ATG3: variants seen among roughly 807,000 people sequenced by gnomAD.
ATG3 encodes autophagy related 3.
Under a neutral mutation model 50.7 loss-of-function variants are expected in ATG3, and 25 were observed. That is an observed-to-expected ratio of 0.49 (90% CI 0.36 to 0.69). The LOEUF is 0.69. Ranked by LOEUF, ATG3 falls within the 30% of genes least tolerant of loss-of-function variation. The pLI, the probability that ATG3 is intolerant of heterozygous loss-of-function variation, is 0.00. For synonymous variants in ATG3, 119 were observed against 125.5 expected (o/e 0.95, Z 0.34); for missense variants, 281 against 376.0 (o/e 0.75, Z 2.09).
At chr3:112,536,688 G>A in intron 9 of ATG3, 86 bp from the exon 10 acceptor site, 4 of 1,415,694 alleles carry the variant, frequency 2.8e-6, no homozygotes, top group Non-Finnish European at 3.9e-6. Context: ...GTGGGAGACT[G>A]AGGTGGGCGG....
At chr3:112,534,370 T>C in intron 10 of ATG3, 33 bp from the exon 11 acceptor site, 13 of 1,483,114 alleles carry the variant, frequency 8.8e-6, no homozygotes, top group Non-Finnish European at 1.2e-5. Context: ...ATTGTTAATG[T>C]AGATCGATTA....
At chr3:112,534,369 G>GT in intron 10 of ATG3, 32 bp from the exon 11 acceptor site, 1 of 1,483,222 alleles carries the variant, frequency 6.7e-7, no homozygotes, top group Non-Finnish European at 9.1e-7. Flanking sequence ...AATTGTTAAT[G>GT]TAGATCGATT....
chr3:112,556,489 G>A (rs1489641055), intron 2 of ATG3, among the ~76,000 whole-genome samples: 9 of 152,202 alleles, frequency 5.9e-5, no homozygotes, highest in Non-Finnish European at 8.8e-5. Flanking sequence ...GAAGTGAGGA[G>A]CCCCTCTGCC....
chr3:112,544,142 TA>T, intron 5 of ATG3, 36 bp from the exon 6 acceptor site: 1 of 1,472,652 alleles, frequency 6.8e-7, no homozygotes, highest in Non-Finnish European at 9.5e-7. Context: ...TAACTAAAAT[TA>T]AACTGTAAAC....
At position 112,561,680 on chromosome 3, in the gene ATG3, G is replaced by A. The variant is rs904932443; in HGVS notation, c.-152C>T. 1.8e-5 allele frequency: 14 copies of A among 758,904 alleles called. No individual in the cohort carries two copies. In the Admixed American group the frequency reaches 2.6e-4, roughly 14 times the overall value. 47.0% of individuals were successfully genotyped at this position (758,904 alleles called of 1,614,324 possible). A position where few individuals can be genotyped will look rare whatever the true frequency, so the allele number is the denominator to read the frequency against. On this transcript the variant is annotated 5_prime_UTR_variant, in exon 1 of 12. Transcript: ENST00000283290. ...GGGACGGGACGCGACGCGACGGGAC[G>A]GGCGGGACGAGGGGGCGGGGCGGCA...
chr3:112,558,440 CAA>C (rs755721647), intron 1 of ATG3, 23 bp from the exon 2 acceptor site: 3 of 1,526,794 alleles, frequency 2.0e-6, no homozygotes, highest in Non-Finnish European at 9.1e-7. Flanking sequence ...GAAAGAAAAA[CAA>C]TATTATATCA....
chr3:112,554,842 C>T (rs1296501208), intron 2 of ATG3, among the ~76,000 whole-genome samples: 1 of 152,106 alleles, frequency 6.6e-6, no homozygotes, highest in Non-Finnish European at 1.5e-5. Flanking sequence ...GAAACATTAA[C>T]AAGATATAGC....
intron 10 of ATG3, chr3:112,535,785 C>A (rs1933027894): frequency 6.6e-6 from 1 of 152,132 alleles, no homozygotes; most frequent in Non-Finnish European, 1.5e-5. Flanking sequence ...AATATTGTTA[C>A]TAGTATGTTA....
chr3:112,561,198 T>C (rs1039967468), intron 1 of ATG3, among the ~76,000 whole-genome samples: 1 of 152,212 alleles, frequency 6.6e-6, no homozygotes, highest in Non-Finnish European at 1.5e-5. Flanking sequence ...CAACCCGACG[T>C]ACCCGACCGC....
At chr3:112,557,933 AC>A (rs1462515090) in intron 2 of ATG3, among the ~76,000 whole-genome samples, 3 of 152,234 alleles carry the variant, frequency 2.0e-5, no homozygotes, top group Admixed American at 2.0e-4. Flanking sequence ...CCCAGTATTT[AC>A]TTCTCCACCG....
At position 112,561,661 on chromosome 3, in the gene ATG3, GGACGC is replaced by G. The variant is rs373700157; in HGVS notation, c.-138_-134del. The G allele has an allele frequency of 1.1e-4, 101 of 893,296 alleles. No individual in the cohort carries two copies. Among genetic ancestry groups the G allele is most frequent in the Admixed American group, 8.6e-4 (33 of 38,216 alleles). The allele number at this position is 893,296 out of a possible 1,614,324, so 55.3% of individuals were successfully genotyped here. On this transcript the variant is annotated 5_prime_UTR_variant, in exon 1 of 12. Coordinates refer to ENST00000283290, the MANE Select transcript of ATG3 (RefSeq NM_022488.5). ...CCGGCTGGCAGCACCCGAGGGGACG[GGACGC>G]GACGCGACGGGACGGGCGGGACGAG... is the stretch of plus-strand genomic sequence containing the variant.
rs559464062 is a variant in ATG3, at chr3:112,561,889, G to A, written c.-361C>T. ...TGTCTGTCCTCGCTTTGCTTCACTCGCGCCCCTTCCGGCTTCCCTTCCTTC... is the reference window on the plus strand; with the variant it reads ...TGTCTGTCCTCGCTTTGCTTCACTCACGCCCCTTCCGGCTTCCCTTCCTTC... On this transcript the variant is annotated 5_prime_UTR_variant, in exon 1 of 12. Transcript: ENST00000283290. 6.2e-5 allele frequency: 16 copies of A among 259,678 alleles called. 1 individual carries two copies. Among genetic ancestry groups the A allele is most frequent in the Non-Finnish European group, 8.1e-5 (11 of 135,402 alleles). The allele number at this position is 259,678 out of a possible 1,614,324, so 16.1% of individuals were successfully genotyped here. A position where few individuals can be genotyped will look rare whatever the true frequency, so the allele number is the denominator to read the frequency against.
chr3:112,537,535 AGCATTATTGT>A, intron 9 of ATG3, 190 bp downstream of exon 9: 1 of 411,980 alleles, frequency 2.4e-6, no homozygotes, highest in South Asian at 8.3e-5. Context: ...TTTATGTCTT[AGCATTATTGT>A]TACACTGAAT....
intron 6 of ATG3, 68 bp from the exon 7 acceptor site, chr3:112,541,952 G>A: frequency 7.9e-7 from 1 of 1,261,680 alleles, no homozygotes; most frequent in Non-Finnish European, 1.1e-6. Flanking sequence ...ACACCCATGT[G>A]CTAGCACAGT....
chr3:112,550,852 T>C (rs924277728), intron 3 of ATG3, among the ~76,000 whole-genome samples: 2 of 152,202 alleles, frequency 1.3e-5, no homozygotes, highest in Admixed American at 1.3e-4. Flanking sequence ...AGAATTTAAG[T>C]CTCCAACATG....
At position 112,532,764 on chromosome 3, in the gene ATG3, A is replaced by G. The variant is rs752134129; in HGVS notation, c.880T>C (p.Leu294=). The change falls in exon 12 of 12, where the codon TTG becomes CTG. Residue 294 remains leucine (L), a synonymous_variant. Coordinates refer to ENST00000283290, the MANE Select transcript of ATG3 (RefSeq NM_022488.5). ...LGVHMYLLIF[L]KFVQAVIPTI... ...GGAATGACAGCTTGTACAAATTTCA[A>G]GAAAATAAGAAGATACCTAAAGGTT... is the stretch of plus-strand genomic sequence containing the variant. The G allele has an allele frequency of 3.1e-6, 5 of 1,597,322 alleles. No homozygotes were observed. In the South Asian group the frequency reaches 5.6e-5, roughly 18 times the overall value.
chr3:112,544,630 G>A (rs1477636767), intron 5 of ATG3, among the ~76,000 whole-genome samples: 1 of 109,638 alleles, frequency 9.1e-6, no homozygotes, highest in Non-Finnish European at 1.7e-5. Flanking sequence ...CTCCAGCCTG[G>A]GCGACAAGAG....
intron 3 of ATG3, among the ~76,000 whole-genome samples, chr3:112,551,618 CCTAAA>C (rs1253071686): frequency 6.6e-6 from 1 of 152,058 alleles, no homozygotes; most frequent in East Asian, 1.9e-4. Context: ...AAATCAAATA[CCTAAA>C]CTACTTAATT....
At chr3:112,555,125 A>G (rs1042584789) in intron 2 of ATG3, among the ~76,000 whole-genome samples, 21 of 152,354 alleles carry the variant, frequency 1.4e-4, no homozygotes, top group African/African-American at 4.6e-4. Flanking sequence ...TGAGGTAACA[A>G]GACTAACATT....
Sources: allele counts gnomAD v4.1 joint callset (sites outside exome capture counted in the v4.1 genomes callset), GRCh38; gene constraint gnomAD v4.1.1; transcripts MANE v1.5; gene names NCBI Gene and HGNC (gene_info 2026-07-23, HGNC 2026-07-21).